Variants in ZDHHC11B observed in about 807,000 individuals in gnomAD.
ZDHHC11B encodes probable palmitoyltransferase ZDHHC11B.
A neutral mutation model predicts 42.3 loss-of-function variants in ZDHHC11B; 17 were observed. That is an observed-to-expected ratio of 0.40 (90% CI 0.27 to 0.60). The LOEUF is 0.60. Among genes scored for constraint, ZDHHC11B ranks in the 20% least tolerant of loss-of-function variants. The pLI, the probability that ZDHHC11B is intolerant of heterozygous loss-of-function variation, is 0.41. For synonymous variants in ZDHHC11B, 123 were observed against 193.5 expected, an observed-to-expected ratio of 0.64 and a Z score of 3.02; for missense variants, 262 against 463.2, an observed-to-expected ratio of 0.57 and a Z score of 3.99.
At chr5:766,246 G>A (rs1337879783) in intron 4 of ZDHHC11B, among the ~76,000 whole-genome samples, 2 of 151,892 alleles carry the variant, frequency 1.3e-5, no homozygotes, top group Non-Finnish European at 2.9e-5. Flanking sequence ...TACCCACTGG[G>A]AGACAGGAGC....
chr5:749,455 C>G (rs1321238793), intron 7 of ZDHHC11B, among the ~76,000 whole-genome samples: 1 of 129,980 alleles, frequency 7.7e-6, no homozygotes, highest in African/African-American at 2.5e-5. Flanking sequence ...GAACTGGCGG[C>G]CTTGGGGGCC....
chr5:759,416 G>A (rs1303241317), intron 4 of ZDHHC11B, among the ~76,000 whole-genome samples: 3 of 151,944 alleles, frequency 2.0e-5, no homozygotes, highest in East Asian at 1.9e-4. Flanking sequence ...AAGCTGACAC[G>A]TGCCACTGAA....
At chr5:777,430 G>C (rs1736606546) in intron 1 of ZDHHC11B, among the ~76,000 whole-genome samples, 1 of 151,058 alleles carries the variant, frequency 6.6e-6, no homozygotes, top group African/African-American at 2.4e-5. Context: ...CTTCGCTGCA[G>C]ACCTCCCTGG....
chr5:783,406 AG>A (rs1451086980), intron 1 of ZDHHC11B, among the ~76,000 whole-genome samples: 1 of 150,392 alleles, frequency 6.6e-6, no homozygotes, highest in Non-Finnish European at 1.5e-5. Flanking sequence ...CCCAGGCCAC[AG>A]GGAGCTGGGT....
At chr5:722,537 G>T (rs1325460567) in intron 12 of ZDHHC11B, among the ~76,000 whole-genome samples, 2 of 151,532 alleles carry the variant, frequency 1.3e-5, no homozygotes, top group African/African-American at 4.9e-5. Context: ...TGTTGGAGAG[G>T]ACATGAAGCA....
At chr5:774,792 T>C (rs1429934527) in intron 1 of ZDHHC11B, among the ~76,000 whole-genome samples, 8 of 151,574 alleles carry the variant, frequency 5.3e-5, no homozygotes, top group Non-Finnish European at 8.9e-5. Flanking sequence ...CCCTTGGGCC[T>C]GGAGCCTGTA....
At chr5:766,078 T>G (rs2150217814) in intron 4 of ZDHHC11B, among the ~76,000 whole-genome samples, 1 of 152,004 alleles carries the variant, frequency 6.6e-6, no homozygotes, top group East Asian at 1.9e-4. Flanking sequence ...GTTTCTCAAC[T>G]GAATGCCATG....
At chr5:751,429 G>GCA (rs1745682977) in intron 6 of ZDHHC11B, among the ~76,000 whole-genome samples, 172 bp from the exon 7 acceptor site, 1 of 41,244 alleles carries the variant, frequency 2.4e-5, no homozygotes, top group African/African-American at 8.5e-5. Context: ...AGGTGTGGGG[G>GCA]CGGGGAGGCA....
chr5:753,915 C>T (rs1421437100), intron 6 of ZDHHC11B, among the ~76,000 whole-genome samples: 1 of 144,988 alleles, frequency 6.9e-6, no homozygotes, highest in Non-Finnish European at 1.5e-5. Context: ...GGGGAGCAGG[C>T]GTGGTTCTTT....
chr5:717,408 C>A (rs1253169150), intron 12 of ZDHHC11B, among the ~76,000 whole-genome samples: 10 of 151,678 alleles, frequency 6.6e-5, no homozygotes, highest in Non-Finnish European at 1.5e-4. Flanking sequence ...CGTGTTGCTG[C>A]CCAGACTTTC....
chr5:770,629 C>T (rs1202531725), intron 1 of ZDHHC11B, among the ~76,000 whole-genome samples: 9 of 152,150 alleles, frequency 5.9e-5, no homozygotes, highest in South Asian at 2.1e-4. Context: ...GTGCGACAGC[C>T]GCTCCCTCCC....
chr5:754,617 CCAT>C (rs1746358868), intron 6 of ZDHHC11B, among the ~76,000 whole-genome samples: 1 of 127,408 alleles, frequency 7.8e-6, no homozygotes, highest in Non-Finnish European at 1.7e-5. Flanking sequence ...CACCTCTCGT[CCAT>C]CTGCGCTGGG....
At position 710,861 on chromosome 5, in the gene ZDHHC11B, T is replaced by C. The variant is rs1741310250; in HGVS notation, c.*1429A>G. ...GCTCCCATTTCCCAGTACTGTGAGC[T>C]CCCATTTCCCAGTACTGTGCTCCCA... On this transcript the variant is annotated 3_prime_UTR_variant, in exon 14 of 14. Coordinates refer to ENST00000508859, the MANE Select transcript of ZDHHC11B (RefSeq NM_001351303.2). 1 of 131,820 alleles carries C rather than the reference T, an allele frequency of 7.6e-6. No homozygotes were observed. The highest frequency in any genetic ancestry group is 2.5e-4 in the South Asian group (1 of 4,006). The allele number at this position is 131,820 out of a possible 1,614,324, so 8.2% of individuals were successfully genotyped here.
At chr5:730,560 G>A in intron 11 of ZDHHC11B, 92 bp from the exon 12 acceptor site, 1 of 1,330,848 alleles carries the variant, frequency 7.5e-7, no homozygotes, top group East Asian at 2.7e-5. Context: ...TTCATTACTA[G>A]TCAGTTCTGA....
At chr5:716,141 G>C (rs1741734407) in intron 13 of ZDHHC11B, among the ~76,000 whole-genome samples, 2 of 150,880 alleles carry the variant, frequency 1.3e-5, no homozygotes, top group South Asian at 4.2e-4. Context: ...CTCATTTTAA[G>C]GTACAATCAT....
chr5:725,367 A>AG (rs1742518346), intron 12 of ZDHHC11B, among the ~76,000 whole-genome samples: 1 of 113,890 alleles, frequency 8.8e-6, no homozygotes. Flanking sequence ...GGGACTTCCC[A>AG]GGCTCTGGAA....
intron 1 of ZDHHC11B, among the ~76,000 whole-genome samples, chr5:773,641 A>G (rs1368064120): frequency 6.6e-6 from 1 of 151,838 alleles, no homozygotes; most frequent in South Asian, 2.1e-4. Context: ...CCTCCCTGGT[A>G]GGAGGGACGT....
rs1410820602 is a variant in ZDHHC11B, at chr5:726,594, A to C, written c.1058+3840T>G. Reference sequence around the variant, plus strand: ...ATGCCCATCTTTAACGCAACAATGTAGAGTTTAAAAAGCAGGTGCCTAAAG... The same window carrying C: ...ATGCCCATCTTTAACGCAACAATGTCGAGTTTAAAAAGCAGGTGCCTAAAG... On this transcript the variant is annotated intron_variant, in intron 12 of 13. Coordinates refer to ENST00000508859, the MANE Select transcript of ZDHHC11B (RefSeq NM_001351303.2). Among the ~76,000 whole-genome samples the C allele has an allele frequency of 9.0e-5, 11 of 122,102 alleles. 1 individual carries two copies. The highest frequency in any genetic ancestry group is 1.5e-4 in the Non-Finnish European group (9 of 58,282). 80.1% of individuals were successfully genotyped at this position (122,102 alleles called of 152,430 possible). A position where few individuals can be genotyped will look rare whatever the true frequency, so the allele number is the denominator to read the frequency against.
At chr5:749,894 AG>A (rs1297516470) in intron 7 of ZDHHC11B, among the ~76,000 whole-genome samples, 3 of 122,956 alleles carry the variant, frequency 2.4e-5, no homozygotes, top group African/African-American at 8.4e-5. Context: ...GGGCCTCGCC[AG>A]GGTGGAGCTG....
Sources: allele counts gnomAD v4.1 joint callset (sites outside exome capture counted in the v4.1 genomes callset), GRCh38; gene constraint gnomAD v4.1.1; transcripts MANE v1.5; gene names NCBI Gene and HGNC (gene_info 2026-07-23, HGNC 2026-07-21).